The following STAT1 variants were observed in gnomAD, a reference collection of about 807,000 sequenced individuals.
STAT1 encodes signal transducer and activator of transcription 1-alpha/beta.
In STAT1, 24 loss-of-function variants were observed where a neutral mutation model predicts 111.7. The observed-to-expected ratio is 0.21, with a 90% CI of 0.16 to 0.30. The LOEUF (loss-of-function observed/expected upper bound fraction) is 0.30. Ranked by LOEUF, STAT1 falls within the 10% of genes least tolerant of loss-of-function variation. The pLI, the probability that STAT1 is intolerant of heterozygous loss-of-function variation, is 1.00. For synonymous variants in STAT1, 332 were observed against 326.5 expected, an observed-to-expected ratio of 1.02 and a Z score of -0.18; for missense variants, 351 against 911.9, an observed-to-expected ratio of 0.38 and a Z score of 7.92.
In STAT1 at chr2:190,997,901, C is replaced by T. The variant is rs1017740241; in HGVS notation, c.740G>A (p.Cys247Tyr). The part of the protein sequence containing the change: ...VEWKRRQQSA[C>Y]IGGPPNACLD... ...GCAAGCATTGGGCGGCCCCCCAATA[C>T]AGGCGCTCTGCTGTCTCCGCTTCCA... The change falls in exon 9 of 25, where the codon TGT (cysteine) becomes TAT (tyrosine). Residue 247 changes from cysteine to tyrosine, a missense_variant. Around this residue, in one of 7 missense-constraint regions of STAT1, gnomAD observed 67 missense variants for 158.9 expected, o/e 0.42. Transcript: ENST00000361099. The surrounding 1 kb of genome is among the most constrained non-coding windows in gnomAD (Gnocchi z 7.3). 1 of 1,614,236 alleles carries T rather than the reference C, an allele frequency of 6.2e-7. No homozygotes were observed.
chr2:191,005,685 CTG>C (rs1332993341), intron 5 of STAT1, among the ~76,000 whole-genome samples: 1 of 152,178 alleles, frequency 6.6e-6, no homozygotes, highest in Non-Finnish European at 1.5e-5. Flanking sequence ...CAGAATGTAT[CTG>C]TGTCATTAAG....
At chr2:190,992,216 C>T (rs1205123140) in intron 10 of STAT1, among the ~76,000 whole-genome samples, 2 of 152,190 alleles carry the variant, frequency 1.3e-5, no homozygotes, top group Non-Finnish European at 1.5e-5. Context: ...TCAGATCTTA[C>T]ATATAACATC....
Position 190,999,576 on chromosome 2 carries a change from A to G in STAT1, c.541+50T>C, listed in dbSNP as rs41379748. ...GTAATCATCTTCGTTATCTAGTGTGAACAGAAAAAATTGCAGCCAACGGGC... is the reference window on the plus strand; with the variant it reads ...GTAATCATCTTCGTTATCTAGTGTGGACAGAAAAAATTGCAGCCAACGGGC... On this transcript the variant is annotated intron_variant, in intron 7 of 24. Coordinates refer to ENST00000361099, the MANE Select transcript of STAT1 (RefSeq NM_007315.4). This position sits in a 1 kb window ranked among gnomAD's most constrained non-coding sequence, Gnocchi z 4.1. The G allele has an allele frequency of 0.012, 15,065 of 1,287,428 alleles. 112 individuals are homozygous for G. The highest frequency in any genetic ancestry group is 0.017 in the Middle Eastern group (94 of 5,454). The allele number at this position is 1,287,428 out of a possible 1,614,324, so 79.8% of individuals were successfully genotyped here. A position where few individuals can be genotyped will look rare whatever the true frequency, so the allele number is the denominator to read the frequency against.
At chr2:190,991,532 G>T (rs1359666433) in intron 10 of STAT1, among the ~76,000 whole-genome samples, 1 of 152,154 alleles carries the variant, frequency 6.6e-6, no homozygotes, top group Non-Finnish European at 1.5e-5. Flanking sequence ...CAGAATAACT[G>T]TAATGATCTG....
At chr2:190,972,401 A>G (rs1446659479) in intron 24 of STAT1, among the ~76,000 whole-genome samples, 1 of 152,248 alleles carries the variant, frequency 6.6e-6, no homozygotes. Flanking sequence ...TGCCCAAGTC[A>G]TACTGCAGAG....
chr2:191,008,144 C>T (rs1430773025), intron 4 of STAT1: 2 of 331,698 alleles, frequency 6.0e-6, no homozygotes, highest in African/African-American at 4.3e-5. Flanking sequence ...GCTCTTTATA[C>T]AGGTACATTC....
intron 10 of STAT1, chr2:190,992,652 C>T: frequency 8.1e-7 from 1 of 1,227,268 alleles, no homozygotes; most frequent in Non-Finnish European, 1.1e-6. Flanking sequence ...GCAGGAACCT[C>T]CACCTGACTG....
Position 190,990,720 on chromosome 2 carries a change from T to C in STAT1, c.1037+508A>G, listed in dbSNP as rs572181956. On this transcript the variant is annotated intron_variant, in intron 11 of 24. Transcript: ENST00000361099. The surrounding 1 kb of genome is among the most constrained non-coding windows in gnomAD (Gnocchi z 5.1). ...TATGAAATATATATTTGTGTAGACA[T>C]GGACAAAATCCTGGGAGGACAGACA... Among the ~76,000 whole-genome samples, 6 of 152,340 alleles carry C rather than the reference T, an allele frequency of 3.9e-5. No individual in the cohort carries two copies. The highest frequency in any genetic ancestry group is 1.2e-4 in the African/African-American group (5 of 41,578).
In STAT1 at chr2:190,973,833, A is replaced by G. The variant is rs1455792023; in HGVS notation, c.2238+997T>C. 2.6e-5 allele frequency among the ~76,000 whole-genome samples: 4 copies of G among 152,150 alleles called. No individual in the cohort carries two copies. The highest frequency in any genetic ancestry group is 5.9e-5 in the Non-Finnish European group (4 of 68,028). Reference sequence around the variant, plus strand: ...ATTGTAGCCCGTGCTTAAGGTGAGGAAAAAAGTCAAAAAATTACACATGAG... The same window carrying G: ...ATTGTAGCCCGTGCTTAAGGTGAGGGAAAAAGTCAAAAAATTACACATGAG... On this transcript the variant is annotated intron_variant, in intron 24 of 24. Coordinates refer to ENST00000361099, the MANE Select transcript of STAT1 (RefSeq NM_007315.4). The surrounding 1 kb of genome is among the most constrained non-coding windows in gnomAD (Gnocchi z 4.4).
Position 190,984,225 on chromosome 2 carries a change from A to C in STAT1, c.1347+85T>G. 8.7e-7 allele frequency: 1 copy of C among 1,150,052 alleles called. No homozygotes were observed. 71.2% of individuals were successfully genotyped at this position (1,150,052 alleles called of 1,614,324 possible). On this transcript the variant is annotated intron_variant, in intron 16 of 24. Coordinates refer to ENST00000361099, the MANE Select transcript of STAT1 (RefSeq NM_007315.4). The surrounding 1 kb of genome is among the most constrained non-coding windows in gnomAD (Gnocchi z 5.2). ...AAAACAATTAGGTAAATACCTCCAG[A>C]ACAAACACTGAGAAATAAAAATACA...
intron 15 of STAT1, 77 bp downstream of exon 15, chr2:190,985,542 C>G (rs1692735985): frequency 1.1e-5 from 17 of 1,508,250 alleles, no homozygotes; most frequent in Non-Finnish European, 1.5e-5. Context: ...TGAGGTGTCC[C>G]CAGCCACCAA....
At position 190,981,479 on chromosome 2, in the gene STAT1, T is replaced by G. The variant is rs1692389246; in HGVS notation, c.1583-810A>C. 6.6e-6 allele frequency among the ~76,000 whole-genome samples: 1 copy of G among 152,194 alleles called. No individual in the cohort carries two copies. The highest frequency in any genetic ancestry group is 2.1e-4 in the South Asian group (1 of 4,832). On this transcript the variant is annotated intron_variant, in intron 18 of 24. Transcript: ENST00000361099. The surrounding 1 kb of genome is among the most constrained non-coding windows in gnomAD (Gnocchi z 4.1). ...GAAGAGGCGGTAAGCCCATTATCGG[T>G]CTTCAAAGAGAACTACAAATGAGCC...
Position 190,970,068 on chromosome 2 carries a change from C to G in STAT1, c.*635G>C, listed in dbSNP as rs1392245161. On this transcript the variant is annotated 3_prime_UTR_variant, in exon 25 of 25. Coordinates refer to ENST00000361099, the MANE Select transcript of STAT1 (RefSeq NM_007315.4). The surrounding 1 kb of genome is among the most constrained non-coding windows in gnomAD (Gnocchi z 5.4). ...AACAGTAAAGCTAATATTCTCTTCT[C>G]AAGAAACAGAATTTGTCTTTGTCTT... is the stretch of plus-strand genomic sequence containing the variant. The G allele has an allele frequency of 6.3e-6, 1 of 158,792 alleles. No individual in the cohort carries two copies. The highest frequency in any genetic ancestry group is 6.0e-5 in the Admixed American group (1 of 16,580). The allele number at this position is 158,792 out of a possible 1,614,324, so 9.8% of individuals were successfully genotyped here.
chr2:191,010,442 G>C (rs750862823), intron 2 of STAT1: 7 of 467,180 alleles, frequency 1.5e-5, no homozygotes, highest in Non-Finnish European at 3.1e-5. Flanking sequence ...CTGTGCACTG[G>C]TGTATCCCTA....
In STAT1 at chr2:191,000,895, C is replaced by G. The variant is rs1437812395; in HGVS notation, c.462+179G>C. On this transcript the variant is annotated intron_variant, in intron 6 of 24. Transcript: ENST00000361099. The surrounding 1 kb of genome is among the most constrained non-coding windows in gnomAD (Gnocchi z 4.8). Reference sequence around the variant, plus strand: ...AGTTATAAGAGGCCATTCAAAAAGTCTATCTGGTCATTGATTTTGCCAATT... The same window carrying G: ...AGTTATAAGAGGCCATTCAAAAAGTGTATCTGGTCATTGATTTTGCCAATT... 6.6e-6 allele frequency among the ~76,000 whole-genome samples: 1 copy of G among 152,172 alleles called. No homozygotes were observed. The highest frequency in any genetic ancestry group is 2.4e-5 in the African/African-American group (1 of 41,432).
chr2:190,995,367 T>G lies in STAT1; in HGVS notation c.786-148A>C. 1.1e-6 allele frequency: 1 copy of G among 872,896 alleles called. No homozygotes were observed. Among genetic ancestry groups the G allele is most frequent in the East Asian group, 2.6e-5 (1 of 38,208 alleles). The allele number at this position is 872,896 out of a possible 1,614,324, so 54.1% of individuals were successfully genotyped here. A position where few individuals can be genotyped will look rare whatever the true frequency, so the allele number is the denominator to read the frequency against. ...GAATTTATAAAGGAAAGAGGTTTAA[T>G]TGACACATAGTTCCACATGGCTGAG... On this transcript the variant is annotated intron_variant, in intron 9 of 24. Transcript: ENST00000361099. This position sits in a 1 kb window ranked among gnomAD's most constrained non-coding sequence, Gnocchi z 4.2.
chr2:190,991,901 C>A (rs753964408), intron 10 of STAT1, among the ~76,000 whole-genome samples: 4 of 152,054 alleles, frequency 2.6e-5, no homozygotes, highest in Non-Finnish European at 5.9e-5. Context: ...TAATTATGTT[C>A]ATTTACATGT....
chr2:190,987,146 G>C lies in STAT1; in HGVS notation c.1098-78C>G, dbSNP rs1008383621. On this transcript the variant is annotated intron_variant, in intron 12 of 24. Coordinates refer to ENST00000361099, the MANE Select transcript of STAT1 (RefSeq NM_007315.4). This position sits in a 1 kb window ranked among gnomAD's most constrained non-coding sequence, Gnocchi z 4.0. Reference sequence around the variant, plus strand: ...CTTTAACAAAATTATAAGAGTATAAGAGCATAAGAGTGTAAGTGAATGATG... The same window carrying C: ...CTTTAACAAAATTATAAGAGTATAACAGCATAAGAGTGTAAGTGAATGATG... The C allele has an allele frequency of 3.7e-6, 4 of 1,071,048 alleles. No homozygotes were observed. Among genetic ancestry groups the C allele is most frequent in the Non-Finnish European group, 5.7e-6 (4 of 700,318 alleles). The allele number at this position is 1,071,048 out of a possible 1,614,324, so 66.3% of individuals were successfully genotyped here. A position where few individuals can be genotyped will look rare whatever the true frequency, so the allele number is the denominator to read the frequency against.
intron 10 of STAT1, 94 bp from the exon 11 acceptor site, chr2:190,991,414 G>C (rs1414332438): frequency 2.7e-6 from 3 of 1,108,162 alleles, no homozygotes; most frequent in African/African-American, 3.1e-5. Context: ...GGGGGTTAGA[G>C]AGTACGATCT....
Sources: allele counts gnomAD v4.1 joint callset (sites outside exome capture counted in the v4.1 genomes callset), GRCh38; gene constraint gnomAD v4.1.1; regional missense constraint gnomAD v4.1.1; non-coding constraint Gnocchi (gnomAD v3.1); transcripts MANE v1.5; gene names NCBI Gene and HGNC (gene_info 2026-07-23, HGNC 2026-07-21).